The following RBFOX1 variants were observed in gnomAD, a reference collection of about 807,000 sequenced individuals.
RBFOX1 encodes RNA binding fox-1 homolog 1.
A neutral mutation model predicts 57.7 loss-of-function variants in RBFOX1; 8 were observed. The observed-to-expected ratio is 0.14, with a 90% CI of 0.08 to 0.25. The LOEUF is 0.25. RBFOX1 is among the 10% of genes least tolerant of loss of function. The probability of loss-of-function intolerance (pLI) is 1.00; values close to 1 mark genes in which losing one functional copy is unlikely to be tolerated. For synonymous variants in RBFOX1, 326 were observed against 222.4 expected (o/e 1.47, Z -4.15); for missense variants, 611 against 548.5 (o/e 1.11, Z -1.14).
chr16:5,254,770 A>T (rs1427701351), intron 1 of RBFOX1, among the ~76,000 whole-genome samples: 1 of 152,214 alleles, frequency 6.6e-6, no homozygotes, highest in Non-Finnish European at 1.5e-5. Context: ...ACAGGTGAAG[A>T]TACCCAGTGG....
intron 3 of RBFOX1, among the ~76,000 whole-genome samples, chr16:6,780,350 C>CATATTTATATACATATTTATAGAT (rs2080664568): frequency 1.2e-5 from 1 of 82,992 alleles, no homozygotes; most frequent in Non-Finnish European, 1.9e-5. Flanking sequence ...TATTTATATA[C>CATATTTATATACATATTTATAGAT]ATATTTATAT....
chr16:5,553,597 G>A (rs1047730758), intron 2 of RBFOX1, among the ~76,000 whole-genome samples: 3 of 151,140 alleles, frequency 2.0e-5, no homozygotes, highest in Non-Finnish European at 4.4e-5. Flanking sequence ...TTATGGGCGT[G>A]AGCCACCACG....
rs142254740 is a variant in RBFOX1 at position 6,832,195 on chromosome 16, A to G, written c.-16+177545A>G. ...TCAGAAATGAATACACTGTATTTGTATGTGAGGAGCCCAAGTGAATAAATA... is the reference window on the plus strand; with the variant it reads ...TCAGAAATGAATACACTGTATTTGTGTGTGAGGAGCCCAAGTGAATAAATA... On this transcript the variant is annotated intron_variant, in intron 3 of 15. Transcript: ENST00000550418. 3.3e-5 allele frequency among the ~76,000 whole-genome samples: 5 copies of G among 152,310 alleles called. 1 individual carries two copies. The highest frequency in any genetic ancestry group is 1.2e-4 in the African/African-American group (5 of 41,574).
At chr16:6,233,305 G>A (rs1428283363) in intron 1 of RBFOX1, among the ~76,000 whole-genome samples, 2 of 152,062 alleles carry the variant, frequency 1.3e-5, no homozygotes, top group African/African-American at 2.4e-5. Context: ...TGATTGCAGG[G>A]TGAGGTTTCT....
intron 4 of RBFOX1, among the ~76,000 whole-genome samples, chr16:5,931,122 C>G (rs1211926091): frequency 2.0e-5 from 3 of 152,172 alleles, no homozygotes; most frequent in Admixed American, 6.5e-5. Flanking sequence ...CTCTTGCTCT[C>G]TGCACGTAGG....
At chr16:5,386,528 C>G (rs568618226) in intron 1 of RBFOX1, among the ~76,000 whole-genome samples, 1 of 152,162 alleles carries the variant, frequency 6.6e-6, no homozygotes, top group East Asian at 1.9e-4. Flanking sequence ...CCTGCCCTCC[C>G]TACTCTTTGC....
chr16:5,831,226 C>G (rs989964563), intron 3 of RBFOX1, among the ~76,000 whole-genome samples: 1 of 151,982 alleles, frequency 6.6e-6, no homozygotes, highest in Non-Finnish European at 1.5e-5. Context: ...GGGGGTGGAT[C>G]CCTCATGATT....
intron 4 of RBFOX1, among the ~76,000 whole-genome samples, chr16:7,320,357 C>T (rs1267027845): frequency 6.6e-6 from 1 of 152,102 alleles, no homozygotes; most frequent in Non-Finnish European, 1.5e-5. Context: ...TGTTAGTTTA[C>T]TCAGGTTAAT....
At chr16:7,574,104 A>T (rs774740503) in intron 5 of RBFOX1, among the ~76,000 whole-genome samples, 8 of 152,162 alleles carry the variant, frequency 5.3e-5, no homozygotes, top group Non-Finnish European at 1.2e-4. Context: ...AATGAGGCAC[A>T]CTAGTAGGTA....
intron 3 of RBFOX1, among the ~76,000 whole-genome samples, chr16:5,701,589 C>A (rs1175083241): frequency 1.3e-5 from 2 of 152,180 alleles, no homozygotes; most frequent in African/African-American, 4.8e-5. Context: ...TGTACCACAC[C>A]TGGCTAATAT....
At chr16:5,724,592 G>C (rs938211541) in intron 3 of RBFOX1, among the ~76,000 whole-genome samples, 7 of 152,160 alleles carry the variant, frequency 4.6e-5, no homozygotes, top group African/African-American at 1.7e-4. Context: ...CTTGTCATGA[G>C]GTTCAGAGAG....
chr16:6,013,220 A>G (rs562686126), intron 4 of RBFOX1, among the ~76,000 whole-genome samples: 2 of 152,326 alleles, frequency 1.3e-5, no homozygotes, highest in East Asian at 1.9e-4. Context: ...TAAAAGATGA[A>G]TGATAGTATG....
intron 3 of RBFOX1, among the ~76,000 whole-genome samples, chr16:6,875,929 T>G (rs1304918543): frequency 3.3e-5 from 5 of 151,644 alleles, no homozygotes; most frequent in African/African-American, 1.2e-4. Flanking sequence ...GCCGGGGAGG[T>G]GGAGGTTGCA....
chr16:5,339,470 G>GTTTTTTTTT (rs560472298), intron 1 of RBFOX1, among the ~76,000 whole-genome samples: 1,501 of 40,880 alleles, frequency 0.037, 479 homozygotes, highest in Non-Finnish European at 0.053. Flanking sequence ...CTTTTTCCGT[G>GTTTTTTTTT]TTTTTTTTTT....
chr16:7,119,648 A>G (rs1248850764), intron 4 of RBFOX1, among the ~76,000 whole-genome samples: 6 of 152,124 alleles, frequency 3.9e-5, no homozygotes, highest in African/African-American at 1.4e-4. Flanking sequence ...CCAAGTCACC[A>G]AAAAGACAAA....
At chr16:6,844,692 G>A (rs1348924810) in intron 3 of RBFOX1, among the ~76,000 whole-genome samples, 2 of 152,086 alleles carry the variant, frequency 1.3e-5, no homozygotes, top group African/African-American at 4.8e-5. Flanking sequence ...GTTCCTTTGG[G>A]TATATAGCCA....
intron 3 of RBFOX1, among the ~76,000 whole-genome samples, chr16:6,672,946 C>A (rs1044009186): frequency 6.6e-5 from 10 of 152,122 alleles, no homozygotes; most frequent in African/African-American, 2.4e-4. Context: ...GGATGTTGAT[C>A]AACCTGGTCT....
At position 7,577,983 on chromosome 16, in the gene RBFOX1, A is replaced by G. The variant is rs561017665; in HGVS notation, c.271-1794A>G. Reference sequence around the variant, plus strand: ...TGTCATGCACTAAAGTTGGAATTGCATGTGACAAGGAGGGCTGATTTATGT... The same window carrying G: ...TGTCATGCACTAAAGTTGGAATTGCGTGTGACAAGGAGGGCTGATTTATGT... On this transcript the variant is annotated intron_variant, in intron 5 of 15. Coordinates refer to ENST00000550418, the MANE Select transcript of RBFOX1 (RefSeq NM_018723.4). 1.6e-4 allele frequency among the ~76,000 whole-genome samples: 24 copies of G among 152,384 alleles called. No homozygotes were observed. The South Asian group carries it at 2.1e-3, about 13-fold the overall frequency.
intron 3 of RBFOX1, among the ~76,000 whole-genome samples, chr16:6,696,117 C>T (rs1452053586): frequency 2.6e-5 from 4 of 152,088 alleles, no homozygotes; most frequent in Non-Finnish European, 5.9e-5. Context: ...CTGGGGAGCT[C>T]ATTACTAAAT....
Sources: allele counts gnomAD v4.1 joint callset (sites outside exome capture counted in the v4.1 genomes callset), GRCh38; gene constraint gnomAD v4.1.1; transcripts MANE v1.5; gene names NCBI Gene and HGNC (gene_info 2026-07-23, HGNC 2026-07-21).